The following TCF7L2 variants were observed in gnomAD, a reference collection of about 807,000 sequenced individuals.
The protein encoded by TCF7L2 is transcription factor 7 like 2.
In TCF7L2, 23 loss-of-function variants were observed where a neutral mutation model predicts 77.9. That is an observed-to-expected ratio of 0.30 (90% CI 0.21 to 0.42). The LOEUF (loss-of-function observed/expected upper bound fraction) is 0.42. Ranked by LOEUF, TCF7L2 falls within the 10% of genes least tolerant of loss-of-function variation. The probability of loss-of-function intolerance (pLI) is 1.00; values close to 1 mark genes in which losing one functional copy is unlikely to be tolerated. For synonymous variants in TCF7L2, 413 were observed against 340.2 expected, an observed-to-expected ratio of 1.21 and a Z score of -2.36; for missense variants, 654 against 793.1, an observed-to-expected ratio of 0.82 and a Z score of 2.11.
chr10:112,991,368 C>T (rs930329601), intron 4 of TCF7L2, among the ~76,000 whole-genome samples: 9 of 151,900 alleles, frequency 5.9e-5, no homozygotes, highest in Admixed American at 3.9e-4. Context: ...TCTCTATGTG[C>T]GTGGTGGCTG....
At chr10:113,081,210 G>A (rs1381088959) in intron 5 of TCF7L2, among the ~76,000 whole-genome samples, 1 of 152,160 alleles carries the variant, frequency 6.6e-6, no homozygotes, top group South Asian at 2.1e-4. Flanking sequence ...TTTAAAGAGA[G>A]GATTACCTAG....
intron 5 of TCF7L2, chr10:113,126,859 A>T: frequency 1.0e-6 from 1 of 987,200 alleles, no homozygotes; most frequent in Non-Finnish European, 1.2e-6. Context: ...CGGGAAGGAC[A>T]GCGCCGCAAC....
intron 4 of TCF7L2, among the ~76,000 whole-genome samples, chr10:113,027,581 C>G (rs933844778): frequency 6.6e-6 from 1 of 152,026 alleles, no homozygotes; most frequent in Non-Finnish European, 1.5e-5. Context: ...TTGGAATATC[C>G]CAGTGTTTCA....
chr10:113,007,984 G>C (rs111872613), intron 4 of TCF7L2, among the ~76,000 whole-genome samples: 7 of 152,322 alleles, frequency 4.6e-5, no homozygotes, highest in African/African-American at 1.4e-4. Flanking sequence ...TTGGGGCTTG[G>C]GGAAGCGTGC....
chr10:112,955,951 C>T (rs983838105), intron 3 of TCF7L2, among the ~76,000 whole-genome samples: 2 of 150,776 alleles, frequency 1.3e-5, no homozygotes, highest in East Asian at 2.0e-4. Flanking sequence ...TTACATCCCA[C>T]GAGGTGCCCC....
chr10:113,165,705 C>T lies in TCF7L2; in HGVS notation c.1542C>T (p.Thr514=), dbSNP rs2137650628. The change falls in exon 14 of 14, where the codon ACC becomes ACT. Residue 514 remains threonine, a synonymous_variant. Coordinates refer to ENST00000627217, the MANE Select transcript of TCF7L2 (RefSeq NM_001146274.2). ...ACGCCAAGTCACAGACTGAGCAGACCCAGCCTCTGTCGCTGTCCCTGAAGC... is the reference window on the plus strand; with the variant it reads ...ACGCCAAGTCACAGACTGAGCAGACTCAGCCTCTGTCGCTGTCCCTGAAGC... The T allele has an allele frequency of 1.2e-6, 2 of 1,612,800 alleles. No homozygotes were observed. Among genetic ancestry groups the T allele is most frequent in the Non-Finnish European group, 1.7e-6 (2 of 1,179,584 alleles).
chr10:113,004,182 T>C (rs2045060028), intron 4 of TCF7L2, among the ~76,000 whole-genome samples: 1 of 152,072 alleles, frequency 6.6e-6, no homozygotes, highest in African/African-American at 2.4e-5. Context: ...AGTAGAGAAG[T>C]CTCCGGGGTG....
Position 113,166,720 on chromosome 10 carries a change from T to C in TCF7L2, c.*748T>C, listed in dbSNP as rs932023553. On this transcript the variant is annotated 3_prime_UTR_variant, in exon 14 of 14. Transcript: ENST00000627217. ...TTTCTTGAAACTGTATAAAGTTTTT[T>C]TCCCCCTTAGCATAAGCATCTTATA... 4.3e-6 allele frequency: 1 copy of C among 229,890 alleles called. No individual in the cohort carries two copies. The highest frequency in any genetic ancestry group is 2.2e-5 in the African/African-American group (1 of 45,188). 14.2% of individuals were successfully genotyped at this position (229,890 alleles called of 1,614,324 possible). A position where few individuals can be genotyped will look rare whatever the true frequency, so the allele number is the denominator to read the frequency against.
intron 5 of TCF7L2, among the ~76,000 whole-genome samples, chr10:113,134,508 C>T (rs1240878708): frequency 6.6e-6 from 1 of 152,140 alleles, no homozygotes. Context: ...TGTTCACCAC[C>T]CTCACAGGCT....
chr10:113,141,903 A>G (rs1296657007), intron 6 of TCF7L2, among the ~76,000 whole-genome samples: 1 of 152,232 alleles, frequency 6.6e-6, no homozygotes, highest in East Asian at 1.9e-4. Flanking sequence ...CCCATTTTAC[A>G]GATATGAATA....
At chr10:112,967,401 C>T (rs1180336299) in intron 4 of TCF7L2, among the ~76,000 whole-genome samples, 1 of 152,182 alleles carries the variant, frequency 6.6e-6, no homozygotes, top group Non-Finnish European at 1.5e-5. Flanking sequence ...CCCATCCCTC[C>T]TGTAATCTCA....
chr10:113,112,379 T>G (rs1226294190), intron 5 of TCF7L2, among the ~76,000 whole-genome samples: 2 of 152,194 alleles, frequency 1.3e-5, no homozygotes, highest in Non-Finnish European at 2.9e-5. Context: ...CGCACACTTC[T>G]CTTCCCTGGC....
intron 4 of TCF7L2, among the ~76,000 whole-genome samples, chr10:113,038,955 A>G (rs905368083): frequency 1.3e-5 from 2 of 152,216 alleles, no homozygotes; most frequent in Non-Finnish European, 2.9e-5. Flanking sequence ...GAAATGACCA[A>G]GGTGTCTCCT....
At chr10:113,029,220 T>G (rs542425964) in intron 4 of TCF7L2, among the ~76,000 whole-genome samples, 1 of 152,302 alleles carries the variant, frequency 6.6e-6, no homozygotes, top group East Asian at 1.9e-4. Flanking sequence ...TTGACTCAAC[T>G]GCTCTTCTGT....
intron 4 of TCF7L2, among the ~76,000 whole-genome samples, chr10:112,998,560 A>G (rs1303735412): frequency 6.6e-6 from 1 of 152,202 alleles, no homozygotes; most frequent in Admixed American, 6.5e-5. Flanking sequence ...TATTTACTGA[A>G]CAATTAGAGA....
rs528975651 is a variant in TCF7L2 at position 113,140,078 on chromosome 10, T to C, written c.553-1106T>C. On this transcript the variant is annotated intron_variant, in intron 5 of 13. Coordinates refer to ENST00000627217, the MANE Select transcript of TCF7L2 (RefSeq NM_001146274.2). Reference sequence around the variant, plus strand: ...TTATCTTCGCTGGTACCTAATCTGGTTAAATGTCCCTGTTGTAGGATTTTA... The same window carrying C: ...TTATCTTCGCTGGTACCTAATCTGGCTAAATGTCCCTGTTGTAGGATTTTA... Among the ~76,000 whole-genome samples the C allele has an allele frequency of 2.6e-5, 4 of 152,360 alleles. No individual in the cohort carries two copies. The South Asian group carries it at 8.3e-4, about 32-fold the overall frequency.
chr10:112,961,957 T>C (rs2035379909), intron 3 of TCF7L2, among the ~76,000 whole-genome samples: 1 of 152,146 alleles, frequency 6.6e-6, no homozygotes, highest in Non-Finnish European at 1.5e-5. Context: ...TATATGTTGG[T>C]TTCTCTGCTA....
chr10:113,072,679 A>G (rs1421131596), intron 5 of TCF7L2, among the ~76,000 whole-genome samples: 5 of 152,158 alleles, frequency 3.3e-5, no homozygotes, highest in Admixed American at 3.3e-4. Context: ...AAACTACTTA[A>G]ATAAAAAGAG....
intron 5 of TCF7L2, among the ~76,000 whole-genome samples, chr10:113,092,740 T>G (rs538521203): frequency 2.6e-5 from 4 of 152,112 alleles, no homozygotes; most frequent in Non-Finnish European, 5.9e-5. Context: ...GGCACATGCC[T>G]GTAATCCCAG....
Sources: allele counts gnomAD v4.1 joint callset (sites outside exome capture counted in the v4.1 genomes callset), GRCh38; gene constraint gnomAD v4.1.1; transcripts MANE v1.5; gene names NCBI Gene and HGNC (gene_info 2026-07-23, HGNC 2026-07-21).